The following MACROD2 variants were observed in gnomAD, a reference collection of about 807,000 sequenced individuals.
MACROD2 encodes mono-ADP ribosylhydrolase 2.
Under a neutral mutation model 70.4 loss-of-function variants are expected in MACROD2, and 36 were observed. That is an observed-to-expected ratio of 0.51 (90% CI 0.39 to 0.68). The LOEUF (loss-of-function observed/expected upper bound fraction) is 0.68. MACROD2 is among the 30% of genes least tolerant of loss of function. The probability of loss-of-function intolerance (pLI) is 0.00; values close to 1 mark genes in which losing one functional copy is unlikely to be tolerated. For missense variants in MACROD2, 496 were observed against 538.4 expected (o/e 0.92, Z 0.78); for synonymous variants, 172 against 178.8 (o/e 0.96, Z 0.30).
intron 5 of MACROD2, among the ~76,000 whole-genome samples, chr20:15,058,737 T>A (rs1010967710): frequency 1.3e-4 from 20 of 152,194 alleles, no homozygotes; most frequent in African/African-American, 4.3e-4. Context: ...ACTGAATATG[T>A]TATAAACTTT....
chr20:14,294,692 A>G (rs1325418121), intron 3 of MACROD2, among the ~76,000 whole-genome samples: 1 of 151,810 alleles, frequency 6.6e-6, no homozygotes, highest in African/African-American at 2.4e-5. Flanking sequence ...AGGCATTGAG[A>G]TGCTCTTTTG....
chr20:15,377,074 T>A (rs1037577608), intron 6 of MACROD2, among the ~76,000 whole-genome samples: 2 of 152,046 alleles, frequency 1.3e-5, no homozygotes, highest in Admixed American at 6.5e-5. Flanking sequence ...GTATTTTTAG[T>A]AGAGATGGGG....
chr20:15,757,463 A>T (rs898241947), intron 8 of MACROD2, among the ~76,000 whole-genome samples: 2 of 152,082 alleles, frequency 1.3e-5, no homozygotes, highest in African/African-American at 4.8e-5. Context: ...ATCAAAGGAG[A>T]TTATTTTTCT....
intron 6 of MACROD2, among the ~76,000 whole-genome samples, chr20:15,390,027 A>G (rs1326404799): frequency 6.6e-6 from 1 of 152,200 alleles, no homozygotes; most frequent in African/African-American, 2.4e-5. Flanking sequence ...TCTCATGGTA[A>G]AGGGGAAAAG....
intron 8 of MACROD2, among the ~76,000 whole-genome samples, chr20:15,704,443 G>A (rs1259140706): frequency 6.6e-6 from 1 of 152,166 alleles, no homozygotes; most frequent in African/African-American, 2.4e-5. Context: ...CCCTCCGTTA[G>A]AGATTGAGCT....
intron 3 of MACROD2, among the ~76,000 whole-genome samples, chr20:14,375,158 T>C (rs960987224): frequency 1.3e-5 from 2 of 152,128 alleles, no homozygotes; most frequent in African/African-American, 4.8e-5. Flanking sequence ...AATTCAAATG[T>C]TATTTTTTAC....
intron 8 of MACROD2, among the ~76,000 whole-genome samples, chr20:15,549,748 C>T (rs1046299665): frequency 3.3e-5 from 5 of 152,132 alleles, no homozygotes; most frequent in Admixed American, 1.3e-4. Flanking sequence ...CTTGCATCTT[C>T]CTAAATTACC....
At chr20:14,788,492 G>T (rs916798980) in intron 5 of MACROD2, among the ~76,000 whole-genome samples, 5 of 150,452 alleles carry the variant, frequency 3.3e-5, no homozygotes, top group Non-Finnish European at 5.9e-5. Context: ...AGGCTAAGGT[G>T]GGAGGATCAT....
At chr20:15,277,020 A>G (rs186496362) in intron 6 of MACROD2, among the ~76,000 whole-genome samples, 2 of 152,352 alleles carry the variant, frequency 1.3e-5, no homozygotes, top group African/African-American at 2.4e-5. Context: ...CAAGTCAGCT[A>G]GCTTCAACGT....
chr20:14,716,912 G>A (rs1484551194), intron 5 of MACROD2, among the ~76,000 whole-genome samples: 1 of 152,084 alleles, frequency 6.6e-6, no homozygotes, highest in Non-Finnish European at 1.5e-5. Flanking sequence ...AGATGCAGGT[G>A]AAGCCTTTTC....
intron 5 of MACROD2, among the ~76,000 whole-genome samples, chr20:14,835,795 T>C (rs903018080): frequency 6.6e-6 from 1 of 152,072 alleles, no homozygotes; most frequent in African/African-American, 2.4e-5. Context: ...ACAGATTTCT[T>C]AGTAGATGCC....
intron 3 of MACROD2, among the ~76,000 whole-genome samples, chr20:14,202,812 A>G (rs1332592411): frequency 4.6e-5 from 7 of 152,132 alleles, no homozygotes; most frequent in Admixed American, 2.0e-4. Context: ...ACTTTGGGAG[A>G]CCAAGGTGGG....
chr20:14,832,752 C>T (rs6042944), intron 5 of MACROD2, among the ~76,000 whole-genome samples: 3 of 152,122 alleles, frequency 2.0e-5, no homozygotes, highest in African/African-American at 7.2e-5. Flanking sequence ...AGAGCAGAGC[C>T]TGAGTCAAGA....
chr20:14,039,757 CTT>C (rs2053365082), intron 2 of MACROD2, among the ~76,000 whole-genome samples: 1 of 149,530 alleles, frequency 6.7e-6, no homozygotes, highest in Admixed American at 6.7e-5. Context: ...ATATAATTGT[CTT>C]TTGTTTCATT....
At chr20:14,433,991 G>A (rs375585225) in intron 3 of MACROD2, among the ~76,000 whole-genome samples, 17 of 152,064 alleles carry the variant, frequency 1.1e-4, no homozygotes, top group African/African-American at 4.1e-4. Context: ...GAAGACACAT[G>A]CATCTAGAAG....
chr20:14,071,722 G>A (rs921183861), intron 2 of MACROD2, among the ~76,000 whole-genome samples: 6 of 152,076 alleles, frequency 3.9e-5, no homozygotes, highest in African/African-American at 1.4e-4. Context: ...TCTCTAATGT[G>A]GCTTATTGAT....
chr20:15,822,358 C>T (rs921803780), intron 8 of MACROD2, among the ~76,000 whole-genome samples: 1 of 152,060 alleles, frequency 6.6e-6, no homozygotes, highest in African/African-American at 2.4e-5. Context: ...ATATGTGATA[C>T]ATCCTAAACT....
intron 15 of MACROD2, among the ~76,000 whole-genome samples, chr20:16,009,654 G>A (rs931928738): frequency 1.3e-5 from 2 of 152,116 alleles, no homozygotes; most frequent in East Asian, 1.9e-4. Context: ...CTACTCGAGA[G>A]GCTGAGGCAG....
At chr20:15,330,081 T>C (rs563265494) in intron 6 of MACROD2, among the ~76,000 whole-genome samples, 5 of 152,252 alleles carry the variant, frequency 3.3e-5, no homozygotes, top group Non-Finnish European at 5.9e-5. Flanking sequence ...TCTCCGGGAC[T>C]GTCCACTCTT....
Sources: allele counts gnomAD v4.1 joint callset (sites outside exome capture counted in the v4.1 genomes callset), GRCh38; gene constraint gnomAD v4.1.1; transcripts MANE v1.5; gene names NCBI Gene and HGNC (gene_info 2026-07-23, HGNC 2026-07-21).